The following FHIP2A variants were observed in gnomAD, a reference collection of about 807,000 sequenced individuals.
FHIP2A encodes FHF complex subunit HOOK interacting protein 2A, also known as family with sequence similarity 160 member B1.
A neutral mutation model predicts 93.5 loss-of-function variants in FHIP2A; 46 were observed. The observed-to-expected ratio is 0.49, with a 90% CI of 0.39 to 0.63. FHIP2A has a LOEUF of 0.63. Ranked by LOEUF, FHIP2A falls within the 20% of genes least tolerant of loss-of-function variation. FHIP2A has a pLI of 0.00. For synonymous variants in FHIP2A, 332 were observed against 326.5 expected (o/e 1.02, Z -0.18); for missense variants, 769 against 909.7 (o/e 0.85, Z 1.99).
chr10:114,830,581 C>G (rs1038742461), intron 1 of FHIP2A, among the ~76,000 whole-genome samples: 4 of 151,886 alleles, frequency 2.6e-5, no homozygotes, highest in Non-Finnish European at 5.9e-5. Context: ...CTGAAACCTA[C>G]TTTTAAAAAA....
chr10:114,832,325 T>C (rs561398066), intron 2 of FHIP2A, among the ~76,000 whole-genome samples: 10 of 152,312 alleles, frequency 6.6e-5, no homozygotes, highest in Non-Finnish European at 1.5e-4. Context: ...TATACGTTAA[T>C]GAGAGATGTC....
At chr10:114,839,898 A>G (rs957063125) in intron 5 of FHIP2A, among the ~76,000 whole-genome samples, 6 of 151,658 alleles carry the variant, frequency 4.0e-5, no homozygotes, top group Non-Finnish European at 5.9e-5. Flanking sequence ...AAAAAAAAAA[A>G]AAAGAAAAGA....
intron 16 of FHIP2A, among the ~76,000 whole-genome samples, chr10:114,881,245 C>A (rs770323155): frequency 8.5e-5 from 13 of 152,164 alleles, no homozygotes; most frequent in Non-Finnish European, 1.8e-4. Flanking sequence ...ACAGAAGCTT[C>A]TCAACAAATA....
downstream of FHIP2A, among the ~76,000 whole-genome samples, chr10:114,868,974 A>G (rs1430040166): frequency 6.6e-6 from 1 of 152,208 alleles, no homozygotes; most frequent in Admixed American, 6.5e-5. Context: ...AGAAAAAAGA[A>G]CAAGAGACAC....
intron 16 of FHIP2A, among the ~76,000 whole-genome samples, chr10:114,889,956 A>C (rs11196965): frequency 0.3 from 45,764 of 151,934 alleles, 7,836 homozygotes; most frequent in Middle Eastern, 0.43. Context: ...CCCGGAGCCA[A>C]CCCCACAGTG....
rs2083793798 is a variant in FHIP2A at position 114,860,830 on chromosome 10, T to G, written c.2029T>G (p.Leu677Val). 1.1e-5 allele frequency: 18 copies of G among 1,611,856 alleles called. No individual in the cohort carries two copies. The highest frequency in any genetic ancestry group is 1.5e-5 in the Non-Finnish European group (18 of 1,178,022). Reference protein sequence around the residue: ...FPHPHIHEYLLDPYVNLAPGC... With the variant: ...FPHPHIHEYLVDPYVNLAPGC... ...TCATCCACACATCCACGAGTACCTT[T>G]TGGATCCTTACGTGAACCTCGCTCC... Residue 677 changes from leucine (L) to valine (V), a missense_variant, in exon 15 of 17, where the codon TTG becomes GTG. Physicochemically the swap from Leu to Val is conservative, Grantham distance 32 (BLOSUM62 1). Coordinates refer to ENST00000369248, the MANE Select transcript of FHIP2A (RefSeq NM_020940.4).
At chr10:114,853,273 G>C (rs1180009901) in intron 13 of FHIP2A, among the ~76,000 whole-genome samples, 1 of 152,052 alleles carries the variant, frequency 6.6e-6, no homozygotes, top group African/African-American at 2.4e-5. Flanking sequence ...ATTTGAAAGA[G>C]AATTTTAAAA....
At chr10:114,892,413 G>A (rs1202041675) in intron 16 of FHIP2A, among the ~76,000 whole-genome samples, 1 of 152,144 alleles carries the variant, frequency 6.6e-6, no homozygotes, top group Non-Finnish European at 1.5e-5. Context: ...CGAGGTGGGT[G>A]GATCACCTGA....
chr10:114,884,209 G>A (rs1050791686), intron 16 of FHIP2A, among the ~76,000 whole-genome samples: 2 of 152,176 alleles, frequency 1.3e-5, no homozygotes, highest in African/African-American at 4.8e-5. Context: ...GAGATGGGAT[G>A]TGTATAAAGG....
At chr10:114,834,489 G>A (rs2083625733) in intron 3 of FHIP2A, among the ~76,000 whole-genome samples, 1 of 152,114 alleles carries the variant, frequency 6.6e-6, no homozygotes, top group Non-Finnish European at 1.5e-5. Context: ...TAAAAATATT[G>A]TGCATAAGAT....
Position 114,864,684 on chromosome 10 carries a change from G to C in FHIP2A, c.*3144G>C, listed in dbSNP as rs978595354. ...CAATGCATGCAGGACTAAGAGGGAT[G>C]ATCTAAAAAATAAATAATGTAATTT... On this transcript the variant is annotated 3_prime_UTR_variant, in exon 17 of 17. Transcript: ENST00000369248. The C allele has an allele frequency of 1.0e-6, 1 of 984,746 alleles. No individual in the cohort carries two copies. The highest frequency in any genetic ancestry group is 1.7e-5 in the African/African-American group (1 of 57,192). The allele number at this position is 984,746 out of a possible 1,614,324, so 61.0% of individuals were successfully genotyped here.
chr10:114,846,483 A>G (rs2083702041), intron 10 of FHIP2A, 76 bp from the exon 11 acceptor site: 4 of 1,448,724 alleles, frequency 2.8e-6, no homozygotes, highest in Non-Finnish European at 3.7e-6. Flanking sequence ...AATTGAAAGC[A>G]TGACTCACAA....
chr10:114,823,957 T>C (rs1318981339), intron 1 of FHIP2A, among the ~76,000 whole-genome samples: 2 of 152,128 alleles, frequency 1.3e-5, no homozygotes, highest in African/African-American at 4.8e-5. Context: ...GGGAAAAAAA[T>C]TCTGCAGAGT....
chr10:114,860,941 A>G, intron 15 of FHIP2A, 52 bp downstream of exon 15: 1 of 1,504,324 alleles, frequency 6.6e-7, no homozygotes, highest in Non-Finnish European at 9.2e-7. Flanking sequence ...CTGTGCAATT[A>G]ATATGTTAAT....
chr10:114,876,130 C>T (rs953342481), intron 16 of FHIP2A, among the ~76,000 whole-genome samples: 1 of 152,190 alleles, frequency 6.6e-6, no homozygotes, highest in Admixed American at 6.5e-5. Context: ...GCCTTGGTGG[C>T]TCTGACTCCC....
At chr10:114,866,092 C>T (rs572926012), downstream of FHIP2A, among the ~76,000 whole-genome samples, 22 of 152,250 alleles carry the variant, frequency 1.4e-4, no homozygotes, top group African/African-American at 5.3e-4. Context: ...TTAAGCCCCA[C>T]ATGCATTAGC....
chr10:114,861,565 G>A lies in FHIP2A; in HGVS notation c.*25G>A, dbSNP rs1286745483. 4 of 1,609,696 alleles carry A rather than the reference G, an allele frequency of 2.5e-6. No individual in the cohort carries two copies. Among genetic ancestry groups the A allele is most frequent in the African/African-American group, 1.3e-5 (1 of 74,794 alleles). ...AATAACATCTTTCATGTAACTGGGG[G>A]AACAGAACTACTGTGTACATTTCAC... is the stretch of plus-strand genomic sequence containing the variant. On this transcript the variant is annotated 3_prime_UTR_variant, in exon 17 of 17. Coordinates refer to ENST00000369248, the MANE Select transcript of FHIP2A (RefSeq NM_020940.4).
At chr10:114,859,567 C>G (rs1021890915) in intron 14 of FHIP2A, among the ~76,000 whole-genome samples, 2 of 152,188 alleles carry the variant, frequency 1.3e-5, no homozygotes, top group Non-Finnish European at 2.9e-5. Context: ...AGTTTTGTTG[C>G]AACCAATCCG....
chr10:114,878,791 A>AGAAAG (rs1555247327), intron 16 of FHIP2A, among the ~76,000 whole-genome samples: 96 of 135,520 alleles, frequency 7.1e-4, no homozygotes, highest in Admixed American at 1.2e-3. Flanking sequence ...AAAAAAAAAA[A>AGAAAG]AAAGAAAGAA....
Sources: allele counts gnomAD v4.1 joint callset (sites outside exome capture counted in the v4.1 genomes callset), GRCh38; gene constraint gnomAD v4.1.1; transcripts MANE v1.5; gene names NCBI Gene and HGNC (gene_info 2026-07-23, HGNC 2026-07-21).